NRG1: variants seen among roughly 807,000 people sequenced by gnomAD.
NRG1 encodes pro-neuregulin-1, membrane-bound isoform.
NRG1 carries 18 observed loss-of-function variants against 63.8 expected under a neutral mutation model. The ratio of observed to expected loss-of-function variants is 0.28; its 90% CI spans 0.19 to 0.42. NRG1 has a LOEUF of 0.42. Ranked by LOEUF, NRG1 falls within the 10% of genes least tolerant of loss-of-function variation. The pLI, the probability that NRG1 is intolerant of heterozygous loss-of-function variation, is 1.00. For synonymous variants in NRG1, 302 were observed against 301.3 expected (o/e 1.00, Z -0.02); for missense variants, 762 against 814.7 (o/e 0.94, Z 0.79).
chr8:32,324,873 G>A (rs1801814017), intron 1 of NRG1, among the ~76,000 whole-genome samples: 1 of 152,118 alleles, frequency 6.6e-6, no homozygotes, highest in African/African-American at 2.4e-5. Context: ...ACTCTTTCAA[G>A]CTGTAAGCCC....
In NRG1 at chr8:31,857,898, A is replaced by T. The variant is rs117574759; in HGVS notation, c.37+218467A>T. 3.8e-3 allele frequency among the ~76,000 whole-genome samples: 575 copies of T among 152,312 alleles called. 1 individual carries two copies. Among genetic ancestry groups the T allele is most frequent in the Middle Eastern group, 0.024 (7 of 294 alleles). On this transcript the variant is annotated intron_variant, in intron 1 of 10. Coordinates refer to the NRG1 transcript ENST00000519301. ...ACATACAGTGTAGTGGTGATTCAAG[A>T]AGTTTTGCAAAGGAGATGAGAGCCT...
chr8:32,010,424 T>C (rs117166185), intron 1 of NRG1, among the ~76,000 whole-genome samples: 2,108 of 152,216 alleles, frequency 0.014, 15 homozygotes, highest in Middle Eastern at 0.037. Flanking sequence ...ATTTTTCTTA[T>C]ATCTAGAAAT....
At chr8:32,709,569 C>T (rs916291234) in intron 5 of NRG1, among the ~76,000 whole-genome samples, 16 of 151,958 alleles carry the variant, frequency 1.1e-4, no homozygotes, top group African/African-American at 3.9e-4. Context: ...TACCACCATG[C>T]CCGGCTAATT....
chr8:31,650,057 C>T (rs1162983757), intron 1 of NRG1, among the ~76,000 whole-genome samples: 3 of 152,132 alleles, frequency 2.0e-5, no homozygotes, highest in Non-Finnish European at 2.9e-5. Flanking sequence ...TGGCTCACTG[C>T]AGCCTCAACC....
intron 1 of NRG1, among the ~76,000 whole-genome samples, chr8:32,132,960 T>A (rs1835038111): frequency 1.3e-5 from 2 of 152,008 alleles, no homozygotes; most frequent in Non-Finnish European, 2.9e-5. Flanking sequence ...TCTTCCTTCC[T>A]TCCTTCCTTT....
At chr8:32,160,810 T>C (rs2131911150) in intron 1 of NRG1, among the ~76,000 whole-genome samples, 1 of 152,356 alleles carries the variant, frequency 6.6e-6, no homozygotes, top group African/African-American at 2.4e-5. Context: ...CCCTGATTTT[T>C]ATAGAAGCCC....
intron 1 of NRG1, among the ~76,000 whole-genome samples, chr8:32,200,648 A>G (rs978757811): frequency 2.0e-5 from 3 of 152,206 alleles, no homozygotes; most frequent in Admixed American, 6.5e-5. Context: ...GGAGCTTATC[A>G]CAAGGGGATC....
At chr8:32,753,261 C>T (rs770495281) in intron 7 of NRG1, among the ~76,000 whole-genome samples, 7 of 152,152 alleles carry the variant, frequency 4.6e-5, no homozygotes, top group Admixed American at 3.3e-4. Context: ...TAATTAGACT[C>T]ACTGGAAGCT....
At chr8:32,729,852 C>T (rs1823199450) in intron 6 of NRG1, among the ~76,000 whole-genome samples, 1 of 152,188 alleles carries the variant, frequency 6.6e-6, no homozygotes, top group Non-Finnish European at 1.5e-5. Context: ...TGTAGCGTGC[C>T]TGATGGGACC....
chr8:31,916,499 C>T (rs1444051734), intron 1 of NRG1, among the ~76,000 whole-genome samples: 1 of 152,116 alleles, frequency 6.6e-6, no homozygotes, highest in Non-Finnish European at 1.5e-5. Context: ...ATGATGATTT[C>T]CAATTTCATC....
intron 1 of NRG1, among the ~76,000 whole-genome samples, chr8:32,410,667 AACTAACC>A (rs1458690186): frequency 3.9e-5 from 6 of 152,060 alleles, no homozygotes; most frequent in Non-Finnish European, 7.4e-5. Flanking sequence ...TCAACAAAGA[AACTAACC>A]ACTTTTAGAC....
chr8:32,074,046 G>C (rs1826142747), intron 1 of NRG1, among the ~76,000 whole-genome samples: 1 of 152,068 alleles, frequency 6.6e-6, no homozygotes, highest in Admixed American at 6.5e-5. Flanking sequence ...GGTAACTAAG[G>C]TTCTCAACTG....
intron 1 of NRG1, among the ~76,000 whole-genome samples, chr8:32,370,969 T>G (rs1029484846): frequency 6.6e-6 from 1 of 151,370 alleles, no homozygotes; most frequent in African/African-American, 2.4e-5. Flanking sequence ...CCTAGCACTT[T>G]AGGAGGCTGA....
intron 1 of NRG1, among the ~76,000 whole-genome samples, chr8:32,473,809 G>A (rs1210404677): frequency 6.6e-6 from 1 of 152,026 alleles, no homozygotes; most frequent in Non-Finnish European, 1.5e-5. Context: ...TCAACCTGCT[G>A]AGTAGCTAGG....
At chr8:31,738,187 C>T (rs4556051) in intron 1 of NRG1, among the ~76,000 whole-genome samples, 147,139 of 152,142 alleles carry the variant, frequency 0.97, 71,333 homozygotes, top group East Asian at 1. Context: ...ATAGCGGCCA[C>T]GGAGAAATGA....
intron 1 of NRG1, among the ~76,000 whole-genome samples, chr8:32,351,034 C>T (rs1174020542): frequency 6.6e-6 from 1 of 152,118 alleles, no homozygotes; most frequent in Non-Finnish European, 1.5e-5. Context: ...TGTCCACTAT[C>T]GGTGTACTGA....
intron 1 of NRG1, among the ~76,000 whole-genome samples, chr8:32,344,366 C>CTTTCTT (rs1804505721): frequency 1.7e-4 from 9 of 53,430 alleles, no homozygotes; most frequent in Non-Finnish European, 3.5e-4. Context: ...TTCTTTCTTT[C>CTTTCTT]TTTCTTTCTT....
intron 1 of NRG1, among the ~76,000 whole-genome samples, chr8:31,660,194 TG>T (rs573120140): frequency 1.1e-4 from 17 of 152,314 alleles, no homozygotes; most frequent in African/African-American, 4.1e-4. Flanking sequence ...TCAGTATACT[TG>T]TTGATTATTT....
intron 1 of NRG1, among the ~76,000 whole-genome samples, chr8:32,364,196 TA>T (rs1563363748): frequency 2.0e-5 from 3 of 150,958 alleles, no homozygotes; most frequent in Non-Finnish European, 4.4e-5. Flanking sequence ...AGATGATTGA[TA>T]GATGATAGAT....
Sources: allele counts gnomAD v4.1 joint callset (sites outside exome capture counted in the v4.1 genomes callset), GRCh38; gene constraint gnomAD v4.1.1; transcripts MANE v1.5; gene names NCBI Gene and HGNC (gene_info 2026-07-23, HGNC 2026-07-21).